Variants in TSPAN33 observed in about 807,000 individuals in gnomAD.
The protein encoded by TSPAN33 is tetraspanin-33.
Under a neutral mutation model 34.8 loss-of-function variants are expected in TSPAN33, and 27 were observed. The observed-to-expected ratio is 0.78, with a 90% CI of 0.57 to 1.07. The LOEUF (loss-of-function observed/expected upper bound fraction) is 1.07. TSPAN33 is among the 50% of genes least tolerant of loss of function. The pLI, the probability that TSPAN33 is intolerant of heterozygous loss-of-function variation, is 0.00. For missense variants in TSPAN33, 272 were observed against 324.9 expected, an observed-to-expected ratio of 0.84 and a Z score of 1.25; for synonymous variants, 119 against 124.2, an observed-to-expected ratio of 0.96 and a Z score of 0.28.
chr7:129,163,690 G>A (rs1170566084), intron 4 of TSPAN33, among the ~76,000 whole-genome samples: 3 of 152,130 alleles, frequency 2.0e-5, no homozygotes, highest in Admixed American at 2.0e-4. Flanking sequence ...ATTGGGCCAG[G>A]CGCGGTAGCT....
chr7:129,145,306 C>T (rs1810505246), intron 1 of TSPAN33, among the ~76,000 whole-genome samples: 1 of 151,960 alleles, frequency 6.6e-6, no homozygotes, highest in African/African-American at 2.4e-5. Flanking sequence ...GATGGGTATT[C>T]TCGGGGCGTC....
intron 1 of TSPAN33, among the ~76,000 whole-genome samples, chr7:129,152,862 C>T (rs2150622348): frequency 6.6e-6 from 1 of 151,826 alleles, no homozygotes; most frequent in Middle Eastern, 3.4e-3. Flanking sequence ...AGTTCGAGAC[C>T]ACCATGACCA....
chr7:129,153,714 G>T (rs905143231), intron 1 of TSPAN33, among the ~76,000 whole-genome samples: 1 of 152,092 alleles, frequency 6.6e-6, no homozygotes, highest in Non-Finnish European at 1.5e-5. Flanking sequence ...GCCATGGCGG[G>T]TGGATCACTT....
At chr7:129,155,456 C>A (rs1186490345) in intron 1 of TSPAN33, among the ~76,000 whole-genome samples, 3 of 152,182 alleles carry the variant, frequency 2.0e-5, no homozygotes, top group Non-Finnish European at 4.4e-5. Flanking sequence ...CTGATTTGAT[C>A]ATTAAACATT....
At position 129,165,341 on chromosome 7, in the gene TSPAN33, C is replaced by T. The variant is rs1349297505; in HGVS notation, c.459+772C>T. Among the ~76,000 whole-genome samples, 2 of 152,210 alleles carry T rather than the reference C, an allele frequency of 1.3e-5. No individual in the cohort carries two copies. ...CCCCATTTTCCTCTCCTCCAGCAAC[C>T]ACCATTCTACTTTCTGTCTGTAAAT... On this transcript the variant is annotated intron_variant, in intron 5 of 7. Transcript: ENST00000486685. The surrounding 1 kb of genome is among the most constrained non-coding windows in gnomAD (Gnocchi z 4.5).
chr7:129,148,568 A>C lies in TSPAN33; in HGVS notation c.102+3486A>C, dbSNP rs1265368639. On this transcript the variant is annotated intron_variant, in intron 1 of 7. Transcript: ENST00000486685. The surrounding 1 kb of genome is among the most constrained non-coding windows in gnomAD (Gnocchi z 4.2). ...CATGGACACTGGCCTGTCAAGATGC[A>C]GCTCAACCTGGGGTCCTTGAGCACT... Among the ~76,000 whole-genome samples, 2 of 152,276 alleles carry C rather than the reference A, an allele frequency of 1.3e-5. No individual in the cohort carries two copies. The highest frequency in any genetic ancestry group is 4.8e-5 in the African/African-American group (2 of 41,540).
chr7:129,162,606 TC>T, intron 3 of TSPAN33, 85 bp downstream of exon 3: 1 of 1,579,706 alleles, frequency 6.3e-7, no homozygotes, highest in Non-Finnish European at 8.6e-7. Flanking sequence ...GGTTGCCTTG[TC>T]CTACCCTACC....
intron 1 of TSPAN33, among the ~76,000 whole-genome samples, chr7:129,146,856 C>T (rs1810527077): frequency 6.6e-6 from 1 of 152,162 alleles, no homozygotes; most frequent in African/African-American, 2.4e-5. Context: ...AGACTGTCTC[C>T]CTTGGAGCCA....
chr7:129,150,200 A>G (rs570343948), intron 1 of TSPAN33, among the ~76,000 whole-genome samples: 1 of 152,302 alleles, frequency 6.6e-6, no homozygotes, highest in South Asian at 2.1e-4. Flanking sequence ...ACTTTGGACT[A>G]TGGAAGACAG....
At chr7:129,155,668 ATTTTTATTTAATATCCT>A (rs1810655970) in intron 1 of TSPAN33, among the ~76,000 whole-genome samples, 1 of 146,664 alleles carries the variant, frequency 6.8e-6, no homozygotes, top group Admixed American at 6.8e-5. Flanking sequence ...TTTTTTTTTC[ATTTTTATTTAATATCCT>A]TCTGTTCCAG....
At position 129,166,782 on chromosome 7, in the gene TSPAN33, G is replaced by A; in HGVS notation, c.464G>A (p.Ser155Asn). ...NLIDFGQKKF[S>N]CCGGISYKDW... ...CTCTGGTGGGTTTTGTTGCAGTTTA[G>A]CTGCTGTGGAGGGATTTCCTACAAG... Residue 155 changes from serine (S) to asparagine (N), a missense_variant, in exon 6 of 8, where the codon AGC becomes AAC. Physicochemically the swap from Ser to Asn is conservative, Grantham distance 46. Coordinates refer to ENST00000486685, the MANE Select transcript of TSPAN33 (RefSeq NM_178562.5). 6.2e-7 allele frequency: 1 copy of A among 1,614,028 alleles called. No homozygotes were observed.
intron 1 of TSPAN33, among the ~76,000 whole-genome samples, chr7:129,158,733 A>G (rs1792997535): frequency 6.6e-6 from 1 of 152,140 alleles, no homozygotes; most frequent in Non-Finnish European, 1.5e-5. Flanking sequence ...ATTCCATGGT[A>G]TATATGTACC....
intron 1 of TSPAN33, among the ~76,000 whole-genome samples, chr7:129,146,982 A>AC (rs1181579685): frequency 1.6e-5 from 2 of 126,342 alleles, no homozygotes; most frequent in African/African-American, 6.0e-5. Context: ...CCTCCACCCT[A>AC]CCCCCCTTTT....
chr7:129,166,485 C>A (rs889506889), intron 5 of TSPAN33: 1 of 233,340 alleles, frequency 4.3e-6, no homozygotes, highest in African/African-American at 2.3e-5. Flanking sequence ...AGAAACTTCT[C>A]TCAAGAAGAT....
Position 129,162,912 on chromosome 7 carries a change from C to T in TSPAN33, c.363+5C>T. On this transcript the variant is annotated splice_donor_5th_base_variant and intron_variant, in intron 4 of 7. Transcript: ENST00000486685. ...GGCTTCGTCTTCTCAGACAAGGTAA[C>T]ACTGGGAGCCAGGAGGCCTCCTCAG... 6.2e-7 allele frequency: 1 copy of T among 1,613,480 alleles called. No homozygotes were observed. Among genetic ancestry groups the T allele is most frequent in the Non-Finnish European group, 8.5e-7 (1 of 1,179,690 alleles).
At chr7:129,162,589 G>C (rs1793070364) in intron 3 of TSPAN33, 68 bp downstream of exon 3, 2 of 1,594,692 alleles carry the variant, frequency 1.3e-6, no homozygotes, top group Admixed American at 3.4e-5. Context: ...GCCTCCCACG[G>C]CCCTTTGGTT....
chr7:129,167,882 T>C lies in TSPAN33; in HGVS notation c.*8T>C. The C allele has an allele frequency of 6.2e-7, 1 of 1,613,452 alleles. No homozygotes were observed. The highest frequency in any genetic ancestry group is 1.7e-5 in the Admixed American group (1 of 59,912). On this transcript the variant is annotated 3_prime_UTR_variant, in exon 8 of 8. Transcript: ENST00000486685. This position sits in a 1 kb window ranked among gnomAD's most constrained non-coding sequence, Gnocchi z 4.6. ...GCTGACCCATGGTACTGAGAATCCA[T>C]CCTGCACCTCCTCACCATGGAAACT...
chr7:129,166,750 T>A, intron 5 of TSPAN33, 28 bp from the exon 6 acceptor site: 1 of 1,612,684 alleles, frequency 6.2e-7, no homozygotes, highest in Non-Finnish European at 8.5e-7. Flanking sequence ...GGTGGGTGAT[T>A]CTTAACCTCT....
rs1793056849 is a variant in TSPAN33, at chr7:129,161,698, T to C, written c.122T>C (p.Val41Ala). 2 of 1,614,150 alleles carry C rather than the reference T, an allele frequency of 1.2e-6. No individual in the cohort carries two copies. The highest frequency in any genetic ancestry group is 8.5e-7 in the Non-Finnish European group (1 of 1,180,012). The part of the protein sequence containing the change: ...MLFWVISMVM[V>A]AVGVYARLMK... ...CCACAGGTGATTTCCATGGTGATGG[T>C]GGCTGTGGGTGTCTACGCTCGGCTA... Residue 41 changes from valine to alanine, a missense_variant, in exon 2 of 8, where the codon GTG becomes GCG. Val to Ala is a moderately conservative substitution (Grantham distance 64). Coordinates refer to ENST00000486685, the MANE Select transcript of TSPAN33 (RefSeq NM_178562.5).
Sources: gnomAD v4.1 joint callset for allele counts (sites outside exome capture counted in the v4.1 genomes callset) on GRCh38, gnomAD v4.1.1 for gene constraint, Gnocchi (gnomAD v3.1) non-coding constraint, MANE v1.5 for transcripts, NCBI Gene and HGNC (gene_info 2026-07-23, HGNC 2026-07-21) for gene names.